MKLN1: variants seen among roughly 807,000 people sequenced by gnomAD.
MKLN1 encodes muskelin 1, also known as muskelin.
Under a neutral mutation model 99.0 loss-of-function variants are expected in MKLN1, and 18 were observed. That is an observed-to-expected ratio of 0.18 (90% CI 0.13 to 0.27). The LOEUF (loss-of-function observed/expected upper bound fraction) is 0.27. Among genes scored for constraint, MKLN1 ranks in the 10% least tolerant of loss-of-function variants. MKLN1 has a pLI of 1.00. For missense variants in MKLN1, 621 were observed against 875.9 expected, an observed-to-expected ratio of 0.71 and a Z score of 3.67; for synonymous variants, 288 against 293.2, an observed-to-expected ratio of 0.98 and a Z score of 0.18.
intron 3 of MKLN1, among the ~76,000 whole-genome samples, chr7:131,313,483 G>A (rs1330500329): frequency 6.6e-6 from 1 of 152,162 alleles, no homozygotes; most frequent in Non-Finnish European, 1.5e-5. Flanking sequence ...AAGGACAGTT[G>A]GATTCAAACT....
At chr7:131,243,314 G>T (rs1278287254) in intron 3 of MKLN1, among the ~76,000 whole-genome samples, 4 of 152,118 alleles carry the variant, frequency 2.6e-5, no homozygotes, top group African/African-American at 9.7e-5. Flanking sequence ...CCTAGATACA[G>T]TATGTCGGGA....
intron 16 of MKLN1, among the ~76,000 whole-genome samples, chr7:131,474,547 A>G (rs1285938891): frequency 6.6e-6 from 1 of 152,212 alleles, no homozygotes; most frequent in Non-Finnish European, 1.5e-5. Flanking sequence ...TCAGATTGTT[A>G]AGATAATAGT....
chr7:131,304,746 T>G (rs944770567), intron 3 of MKLN1, among the ~76,000 whole-genome samples: 1 of 152,200 alleles, frequency 6.6e-6, no homozygotes, highest in Non-Finnish European at 1.5e-5. Context: ...ACCAATCACA[T>G]AGAGAGCTAT....
intron 3 of MKLN1, among the ~76,000 whole-genome samples, chr7:131,245,047 G>A (rs889467428): frequency 6.6e-6 from 1 of 152,158 alleles, no homozygotes; most frequent in African/African-American, 2.4e-5. Flanking sequence ...TTTACGCCTT[G>A]TTGGTGCCTC....
intron 1 of MKLN1, among the ~76,000 whole-genome samples, chr7:131,365,648 G>C (rs568304814): frequency 6.6e-6 from 1 of 151,986 alleles, no homozygotes; most frequent in Non-Finnish European, 1.5e-5. Flanking sequence ...GTCCAGCCTC[G>C]ATCTTTTGCA....
chr7:131,232,215 A>G (rs535744570), intron 3 of MKLN1, among the ~76,000 whole-genome samples: 2 of 152,322 alleles, frequency 1.3e-5, no homozygotes, highest in South Asian at 2.1e-4. Flanking sequence ...TATTAGCACA[A>G]ATTGAGAAAT....
chr7:131,400,275 A>C (rs969615314), intron 6 of MKLN1, among the ~76,000 whole-genome samples: 7 of 151,772 alleles, frequency 4.6e-5, no homozygotes, highest in Non-Finnish European at 1.0e-4. Context: ...CTAAAAAAAA[A>C]CCAGACTTGT....
intron 1 of MKLN1, among the ~76,000 whole-genome samples, chr7:131,124,016 G>A (rs534164245): frequency 4.1e-4 from 62 of 152,274 alleles, no homozygotes; most frequent in African/African-American, 1.5e-3. Flanking sequence ...TTAAATCTGA[G>A]CTCTTTTGCA....
intron 5 of MKLN1, among the ~76,000 whole-genome samples, chr7:131,398,212 G>A (rs1794416533): frequency 6.6e-6 from 1 of 152,046 alleles, no homozygotes; most frequent in African/African-American, 2.4e-5. Context: ...GGAAGTTTGA[G>A]GTAGTCCCAG....
At chr7:131,364,436 G>A (rs980383932) in intron 1 of MKLN1, among the ~76,000 whole-genome samples, 5 of 150,640 alleles carry the variant, frequency 3.3e-5, no homozygotes, top group South Asian at 2.1e-4. Context: ...AATGTGTTCC[G>A]TATCAGAATT....
At chr7:131,371,142 CATT>C (rs1456905945) in intron 1 of MKLN1, among the ~76,000 whole-genome samples, 2 of 152,076 alleles carry the variant, frequency 1.3e-5, no homozygotes, top group Non-Finnish European at 1.5e-5. Flanking sequence ...TTGTTCATAT[CATT>C]ATCAGATATT....
intron 2 of MKLN1, among the ~76,000 whole-genome samples, chr7:131,170,661 C>A (rs1327908167): frequency 6.6e-6 from 1 of 152,156 alleles, no homozygotes; most frequent in Non-Finnish European, 1.5e-5. Context: ...ATGATTTCAT[C>A]TCTGAGGGTT....
chr7:131,486,046 A>C (rs1399773886), intron 17 of MKLN1, among the ~76,000 whole-genome samples: 1 of 152,002 alleles, frequency 6.6e-6, no homozygotes, highest in African/African-American at 2.4e-5. Flanking sequence ...TAAAACTCCC[A>C]AATAGTTCTG....
At chr7:131,464,762 A>G (rs538767293) in intron 14 of MKLN1, among the ~76,000 whole-genome samples, 2 of 152,266 alleles carry the variant, frequency 1.3e-5, no homozygotes, top group African/African-American at 4.8e-5. Context: ...GTGATATAAC[A>G]TGGTTTTTGG....
intron 6 of MKLN1, among the ~76,000 whole-genome samples, chr7:131,406,377 T>C (rs745667913): frequency 4.6e-5 from 7 of 152,006 alleles, no homozygotes; most frequent in Admixed American, 6.5e-5. Context: ...TTAACAAAAT[T>C]GATCAGTGCC....
chr7:131,324,170 C>T (rs960605892), upstream of MKLN1: 6 of 152,278 alleles, frequency 3.9e-5, no homozygotes, highest in African/African-American at 7.2e-5. Context: ...GCTCTATACC[C>T]GAATCTTCTG....
At chr7:131,265,119 C>A (rs575890013) in intron 3 of MKLN1, among the ~76,000 whole-genome samples, 5 of 152,174 alleles carry the variant, frequency 3.3e-5, no homozygotes, top group Admixed American at 2.0e-4. Flanking sequence ...GGATTACAGG[C>A]GTGAGCCACC....
chr7:131,460,538 T>C (rs1796485475), intron 12 of MKLN1, among the ~76,000 whole-genome samples: 1 of 152,264 alleles, frequency 6.6e-6, no homozygotes, highest in African/African-American at 2.4e-5. Flanking sequence ...GGAGTTACTT[T>C]AAGCTCTGCT....
chr7:131,311,188 C>G (rs1161258069), intron 3 of MKLN1: 1 of 152,076 alleles, frequency 6.6e-6, no homozygotes, highest in Non-Finnish European at 1.5e-5. Context: ...AACCTGTATT[C>G]AAGAGTACTT....
Sources: gnomAD v4.1 joint callset for allele counts (sites outside exome capture counted in the v4.1 genomes callset) on GRCh38, gnomAD v4.1.1 for gene constraint, MANE v1.5 for transcripts, NCBI Gene and HGNC (gene_info 2026-07-23, HGNC 2026-07-21) for gene names.